The following NHSL1 variants were observed in gnomAD, a reference collection of about 807,000 sequenced individuals.
The protein encoded by NHSL1 is NHS like 1, also known as NHS-like protein 1.
Under a neutral mutation model 95.0 loss-of-function variants are expected in NHSL1, and 48 were observed. That is an observed-to-expected ratio of 0.51 (90% CI 0.40 to 0.64). The LOEUF (loss-of-function observed/expected upper bound fraction) is 0.64. Among genes scored for constraint, NHSL1 ranks in the 30% least tolerant of loss-of-function variants. The pLI is 0.00. For missense variants in NHSL1, 1,971 were observed against 2,077.7 expected, an observed-to-expected ratio of 0.95 and a Z score of 1.00; for synonymous variants, 783 against 833.9, an observed-to-expected ratio of 0.94 and a Z score of 1.05.
chr6:138,633,948 T>C (rs559315388), intron 1 of NHSL1, among the ~76,000 whole-genome samples: 4 of 152,302 alleles, frequency 2.6e-5, no homozygotes, highest in South Asian at 2.1e-4. Flanking sequence ...AGTTAAGACA[T>C]AGAGTTTTTA....
intron 7 of NHSL1, among the ~76,000 whole-genome samples, chr6:138,428,332 T>C (rs1159153508): frequency 6.6e-6 from 1 of 152,246 alleles, no homozygotes; most frequent in Non-Finnish European, 1.5e-5. Context: ...TCAGGAAATA[T>C]TTATTGAGTG....
intron 1 of NHSL1, among the ~76,000 whole-genome samples, chr6:138,684,443 C>T (rs1265129863): frequency 6.6e-6 from 1 of 151,566 alleles, no homozygotes; most frequent in African/African-American, 2.4e-5. Context: ...GTCAGGAGTT[C>T]AAGACCAGCC....
chr6:138,519,371 C>G (rs374342979), intron 1 of NHSL1, among the ~76,000 whole-genome samples: 3 of 152,146 alleles, frequency 2.0e-5, no homozygotes, highest in African/African-American at 7.2e-5. Context: ...ATTTTTATGT[C>G]TCTCATAACT....
At chr6:138,562,877 T>C (rs938504236) in intron 1 of NHSL1, among the ~76,000 whole-genome samples, 2 of 152,162 alleles carry the variant, frequency 1.3e-5, no homozygotes, top group African/African-American at 4.8e-5. Flanking sequence ...GTATTCACAA[T>C]AGATATTTAC....
intron 1 of NHSL1, among the ~76,000 whole-genome samples, chr6:138,554,006 T>C (rs539302634): frequency 6.6e-6 from 1 of 152,304 alleles, no homozygotes; most frequent in East Asian, 1.9e-4. Flanking sequence ...TTAACACCAG[T>C]ATGTCCAGAT....
At chr6:138,446,319 G>C (rs1776863183) in intron 4 of NHSL1, among the ~76,000 whole-genome samples, 1 of 152,140 alleles carries the variant, frequency 6.6e-6, no homozygotes, top group African/African-American at 2.4e-5. Context: ...TTACAGGTGT[G>C]AGCCACCACG....
At chr6:138,469,588 G>T (rs139323782) in intron 3 of NHSL1, among the ~76,000 whole-genome samples, 178 of 152,132 alleles carry the variant, frequency 1.2e-3, no homozygotes, top group Middle Eastern at 0.01. Context: ...AGCTGGGCGT[G>T]GTGATGTGTA....
At chr6:138,484,260 A>G (rs183779645) in intron 2 of NHSL1, among the ~76,000 whole-genome samples, 12 of 152,318 alleles carry the variant, frequency 7.9e-5, no homozygotes, top group African/African-American at 2.9e-4. Flanking sequence ...AAAAGCTTGC[A>G]GGCAAGTGTA....
intron 1 of NHSL1, among the ~76,000 whole-genome samples, chr6:138,610,022 C>T (rs1017849665): frequency 3.3e-5 from 5 of 152,046 alleles, no homozygotes; most frequent in African/African-American, 1.2e-4. Flanking sequence ...TGAGGGTTTA[C>T]AGGAAATTCT....
chr6:138,653,481 G>A (rs1304408673), intron 1 of NHSL1, among the ~76,000 whole-genome samples: 1 of 152,050 alleles, frequency 6.6e-6, no homozygotes, highest in African/African-American at 2.4e-5. Context: ...TTGAACCCAG[G>A]AGGCGGAGAT....
chr6:138,669,045 A>G (rs1296094204), intron 1 of NHSL1, among the ~76,000 whole-genome samples: 3 of 152,130 alleles, frequency 2.0e-5, no homozygotes, highest in Non-Finnish European at 2.9e-5. Flanking sequence ...AACATTCCAC[A>G]CTTAAGCTGA....
chr6:138,529,269 T>C (rs1338010645), intron 1 of NHSL1, among the ~76,000 whole-genome samples: 2 of 152,192 alleles, frequency 1.3e-5, no homozygotes, highest in Non-Finnish European at 2.9e-5. Context: ...TTTTGGTGTT[T>C]ATCAGACATT....
intron 2 of NHSL1, among the ~76,000 whole-genome samples, chr6:138,480,864 CTTG>C (rs988393582): frequency 7.2e-5 from 11 of 152,138 alleles, no homozygotes; most frequent in African/African-American, 2.7e-4. Context: ...CTGAAAGCCT[CTTG>C]TTATCATTAC....
At chr6:138,639,797 CAAAAAAAAAAAAA>C (rs56909767) in intron 1 of NHSL1, among the ~76,000 whole-genome samples, 6 of 22,588 alleles carry the variant, frequency 2.7e-4, no homozygotes, top group East Asian at 1.8e-3. Context: ...GACTCAGTCT[CAAAAAAAAAAAAA>C]AAAAAAAAAA....
intron 1 of NHSL1, among the ~76,000 whole-genome samples, chr6:138,644,630 G>A (rs1784994315): frequency 6.6e-6 from 1 of 152,220 alleles, no homozygotes; most frequent in Admixed American, 6.5e-5. Context: ...AGGCATTGCT[G>A]TGTTATTAAT....
intron 3 of NHSL1, among the ~76,000 whole-genome samples, chr6:138,465,724 C>CT (rs61271607): frequency 0.037 from 4,905 of 132,762 alleles, 124 homozygotes; most frequent in African/African-American, 0.05. Context: ...TTTTTCTTTT[C>CT]TTTTTTTTTT....
rs1334149474 is a variant in NHSL1 at position 138,432,068 on chromosome 6, C to G, written c.2277G>C (p.Leu759=). ...TSATTPNVYS[L]CGATPSQSDT... Reference sequence around the variant, plus strand: ...CACTCTGCGATGGCGTGGCCCCGCACAGGGAGTAGACATTGGGGGTGGTGG... The same window carrying G: ...CACTCTGCGATGGCGTGGCCCCGCAGAGGGAGTAGACATTGGGGGTGGTGG... Residue 759 remains leucine (L), a synonymous_variant, in exon 6 of 8, where the codon CTG becomes CTC. Coordinates refer to ENST00000343505, the MANE Select transcript of NHSL1 (RefSeq NM_001144060.2). This position sits in a 1 kb window ranked among gnomAD's most constrained non-coding sequence, Gnocchi z 4.4. 6.4e-7 allele frequency: 1 copy of G among 1,551,702 alleles called. No individual in the cohort carries two copies. Among genetic ancestry groups the G allele is most frequent in the South Asian group, 1.2e-5 (1 of 84,064 alleles).
intron 1 of NHSL1, among the ~76,000 whole-genome samples, chr6:138,516,859 T>C (rs1398644556): frequency 1.3e-5 from 2 of 152,074 alleles, no homozygotes; most frequent in East Asian, 3.8e-4. Flanking sequence ...GGTCTCAAAC[T>C]CCTGAGCTCA....
Position 138,433,592 on chromosome 6 carries a change from C to G in NHSL1, c.753G>C (p.Arg251=). ...YSTLGRFNSC[R]SAGQRSETRD... ...TGGTTTCTGAGCGCTGCCCAGCAGA[C>G]CGACAGCTATTGAACCTTCCTAGTG... The change falls in exon 6 of 8, where the codon CGG becomes CGC. Residue 251 remains arginine, a synonymous_variant. Coordinates refer to ENST00000343505, the MANE Select transcript of NHSL1 (RefSeq NM_001144060.2). 1 of 1,552,134 alleles carries G rather than the reference C, an allele frequency of 6.4e-7. No homozygotes were observed. The highest frequency in any genetic ancestry group is 8.7e-7 in the Non-Finnish European group (1 of 1,147,096).
Sources: gnomAD v4.1 joint callset for allele counts (sites outside exome capture counted in the v4.1 genomes callset) on GRCh38, gnomAD v4.1.1 for gene constraint, Gnocchi (gnomAD v3.1) non-coding constraint, MANE v1.5 for transcripts, NCBI Gene and HGNC (gene_info 2026-07-23, HGNC 2026-07-21) for gene names.